Variants in PDSS2 observed in about 807,000 individuals in gnomAD.
PDSS2 encodes all trans-polyprenyl-diphosphate synthase PDSS2.
Under a neutral mutation model 44.5 loss-of-function variants are expected in PDSS2, and 31 were observed. That is an observed-to-expected ratio of 0.70 (90% confidence interval 0.52 to 0.94). PDSS2 has a LOEUF of 0.94. Among genes scored for constraint, PDSS2 ranks in the 40% least tolerant of loss-of-function variants. The pLI, the probability that PDSS2 is intolerant of heterozygous loss-of-function variation, is 0.00. For missense variants in PDSS2, 452 were observed against 482.2 expected (o/e 0.94, Z 0.59); for synonymous variants, 157 against 180.3 (o/e 0.87, Z 1.03).
At chr6:107,292,616 C>G (rs1014265873) in intron 2 of PDSS2, among the ~76,000 whole-genome samples, 1 of 152,164 alleles carries the variant, frequency 6.6e-6, no homozygotes, top group African/African-American at 2.4e-5. Context: ...GATCAATGAA[C>G]ACACCTATGA....
intron 2 of PDSS2, among the ~76,000 whole-genome samples, chr6:107,284,090 G>T (rs1776059732): frequency 6.6e-6 from 1 of 151,668 alleles, no homozygotes; most frequent in African/African-American, 2.4e-5. Flanking sequence ...GAAGAATTGT[G>T]TTTCGCTATA....
chr6:107,222,804 C>T (rs963220466), intron 4 of PDSS2, among the ~76,000 whole-genome samples: 1 of 151,896 alleles, frequency 6.6e-6, no homozygotes, highest in African/African-American at 2.4e-5. Flanking sequence ...ATATATCTTA[C>T]GGTTTAAAAG....
Position 107,318,518 on chromosome 6 carries a change from T to C in PDSS2, c.431+15680A>G, listed in dbSNP as rs544820254. On this transcript the variant is annotated intron_variant, in intron 2 of 7. Coordinates refer to ENST00000369037, the MANE Select transcript of PDSS2 (RefSeq NM_020381.4). Reference sequence around the variant, plus strand: ...TAATGGTTAGCTTAAAAAAAAAAGATCTGAAGTAGAAAATGAAAAAATTTT... The same window carrying C: ...TAATGGTTAGCTTAAAAAAAAAAGACCTGAAGTAGAAAATGAAAAAATTTT... Among the ~76,000 whole-genome samples the C allele has an allele frequency of 1.7e-4, 26 of 151,912 alleles. No individual in the cohort carries two copies. In the South Asian group the frequency reaches 5.4e-3, roughly 32 times the overall value.
At chr6:107,300,060 A>G (rs953158030) in intron 2 of PDSS2, among the ~76,000 whole-genome samples, 4 of 151,652 alleles carry the variant, frequency 2.6e-5, no homozygotes, top group African/African-American at 9.8e-5. Context: ...GGCTCCATGA[A>G]GTCTCGGCCC....
chr6:107,399,612 A>C (rs919578143), intron 1 of PDSS2, among the ~76,000 whole-genome samples: 1 of 152,186 alleles, frequency 6.6e-6, no homozygotes, highest in Non-Finnish European at 1.5e-5. Context: ...AAAAATAGTA[A>C]TGTGCTATTC....
intron 1 of PDSS2, among the ~76,000 whole-genome samples, chr6:107,389,999 T>C (rs1238579064): frequency 2.0e-5 from 3 of 151,954 alleles, no homozygotes; most frequent in Non-Finnish European, 4.4e-5. Context: ...CTGGAACAAT[T>C]TGAGCAACAA....
At chr6:107,316,016 A>G (rs1777186621) in intron 2 of PDSS2, among the ~76,000 whole-genome samples, 2 of 152,386 alleles carry the variant, frequency 1.3e-5, no homozygotes, top group South Asian at 4.1e-4. Context: ...AGTCAGCAAG[A>G]AAGTTCTAGA....
intron 3 of PDSS2, among the ~76,000 whole-genome samples, chr6:107,262,521 C>T (rs1246707964): frequency 2.4e-4 from 36 of 151,984 alleles, no homozygotes; most frequent in Admixed American, 2.4e-3. Flanking sequence ...CCTGTAATCC[C>T]AGCATTTTGG....
chr6:107,417,601 A>T (rs757042465), intron 1 of PDSS2, among the ~76,000 whole-genome samples: 7 of 152,150 alleles, frequency 4.6e-5, no homozygotes, highest in Non-Finnish European at 1.0e-4. Flanking sequence ...TCTACTAAAA[A>T]TACAAAAAAT....
chr6:107,221,345 A>G (rs1431252609), intron 4 of PDSS2, among the ~76,000 whole-genome samples: 42 of 15,140 alleles, frequency 2.8e-3, no homozygotes, highest in African/African-American at 0.014. Flanking sequence ...CCGTCTCGAA[A>G]AAAAAAAAAA....
At chr6:107,227,022 C>T (rs1210308032) in intron 4 of PDSS2, among the ~76,000 whole-genome samples, 5 of 150,680 alleles carry the variant, frequency 3.3e-5, no homozygotes, top group South Asian at 2.1e-4. Flanking sequence ...GACAGAGTCT[C>T]GCTCTGTTGC....
intron 7 of PDSS2, among the ~76,000 whole-genome samples, chr6:107,191,279 C>T (rs1332537996): frequency 6.6e-6 from 1 of 151,954 alleles, no homozygotes; most frequent in African/African-American, 2.4e-5. Context: ...TCTGTGGGGA[C>T]AAAAGAGAGG....
At chr6:107,339,185 A>C (rs541032695) in intron 1 of PDSS2, among the ~76,000 whole-genome samples, 5 of 152,336 alleles carry the variant, frequency 3.3e-5, no homozygotes, top group African/African-American at 1.2e-4. Flanking sequence ...CATTAGACAG[A>C]AGCCTGGAAT....
chr6:107,190,101 A>C (rs1772321650), intron 7 of PDSS2, among the ~76,000 whole-genome samples: 1 of 151,888 alleles, frequency 6.6e-6, no homozygotes, highest in Non-Finnish European at 1.5e-5. Context: ...AAAAAACAAA[A>C]ATAACCAAAA....
At chr6:107,428,164 T>A (rs1290751681) in intron 1 of PDSS2, among the ~76,000 whole-genome samples, 1 of 152,222 alleles carries the variant, frequency 6.6e-6, no homozygotes, top group Non-Finnish European at 1.5e-5. Context: ...TGTCCTTCAC[T>A]CTGTCTTTAA....
intron 3 of PDSS2, among the ~76,000 whole-genome samples, chr6:107,261,578 C>CTTTTTTTTTTTT (rs36106088): frequency 1.9e-4 from 22 of 112,834 alleles, no homozygotes; most frequent in South Asian, 5.9e-4. Flanking sequence ...TCTTTTCTTT[C>CTTTTTTTTTTTT]TTTTTTTTTT....
chr6:107,326,505 T>C (rs1777551685), intron 2 of PDSS2, among the ~76,000 whole-genome samples: 1 of 152,182 alleles, frequency 6.6e-6, no homozygotes. Flanking sequence ...CATGATTTTC[T>C]TCTTATTCGC....
intron 1 of PDSS2, among the ~76,000 whole-genome samples, chr6:107,354,220 A>G (rs544081864): frequency 2.0e-5 from 3 of 152,322 alleles, no homozygotes; most frequent in African/African-American, 7.2e-5. Context: ...TTTTCTCAGC[A>G]CTTGCCATGC....
chr6:107,297,605 C>T (rs1337998882), intron 2 of PDSS2, among the ~76,000 whole-genome samples: 1 of 151,820 alleles, frequency 6.6e-6, no homozygotes, highest in African/African-American at 2.4e-5. Flanking sequence ...TGGTCTCGAA[C>T]TCCTGGCCTC....
Sources: allele counts gnomAD v4.1 joint callset (sites outside exome capture counted in the v4.1 genomes callset), GRCh38; gene constraint gnomAD v4.1.1; transcripts MANE v1.5; gene names NCBI Gene and HGNC (gene_info 2026-07-23, HGNC 2026-07-21).